BANP: variants seen among roughly 807,000 people sequenced by gnomAD.
BANP encodes protein BANP.
Under a neutral mutation model 68.1 loss-of-function variants are expected in BANP, and 11 were observed. That is an observed-to-expected ratio of 0.16 (90% CI 0.10 to 0.27). BANP has a LOEUF of 0.27. BANP is among the 10% of genes least tolerant of loss of function. The pLI, the probability that BANP is intolerant of heterozygous loss-of-function variation, is 1.00. For synonymous variants in BANP, 329 were observed against 303.2 expected, an observed-to-expected ratio of 1.09 and a Z score of -0.88; for missense variants, 504 against 722.7, an observed-to-expected ratio of 0.70 and a Z score of 3.47.
At chr16:87,960,369 G>T (rs7184826) in intron 1 of BANP, among the ~76,000 whole-genome samples, 61,665 of 152,030 alleles carry the variant, frequency 0.41, 13,406 homozygotes, top group Non-Finnish European at 0.47. Context: ...ATGGGCTTGG[G>T]TGAGGGTTTG....
At chr16:88,028,606 A>G (rs1364585175) in intron 8 of BANP, among the ~76,000 whole-genome samples, 1 of 152,190 alleles carries the variant, frequency 6.6e-6, no homozygotes, top group South Asian at 2.1e-4. Flanking sequence ...AAGCTCTTCT[A>G]TTCTAGGCCT....
chr16:87,973,700 C>T (rs2061510395), intron 1 of BANP, among the ~76,000 whole-genome samples: 1 of 146,862 alleles, frequency 6.8e-6, no homozygotes, highest in Admixed American at 6.9e-5. Flanking sequence ...TGGAGGTAAG[C>T]CGAGATTGCG....
intron 11 of BANP, among the ~76,000 whole-genome samples, chr16:88,063,320 G>A (rs2087446617): frequency 6.6e-6 from 1 of 152,218 alleles, no homozygotes; most frequent in South Asian, 2.1e-4. Context: ...TGGCCTGGGA[G>A]CTGGTCCCAG....
rs558116270 is a variant in BANP at position 88,056,656 on chromosome 16, C to T, written c.1312-8611C>T. Reference sequence around the variant, plus strand: ...CACGCTGGCCCCTGCACTCCTGGCCCTTTTGTTTAGCCCCGCATCAGACTC... The same window carrying T: ...CACGCTGGCCCCTGCACTCCTGGCCTTTTTGTTTAGCCCCGCATCAGACTC... On this transcript the variant is annotated intron_variant, in intron 11 of 13. Coordinates refer to ENST00000682872, the MANE Select transcript of BANP (RefSeq NM_001386991.1). Among the ~76,000 whole-genome samples the T allele has an allele frequency of 5.3e-5, 8 of 152,290 alleles. No homozygotes were observed. The South Asian group carries it at 1.2e-3, about 24-fold the overall frequency.
In BANP at chr16:87,975,095, C is replaced by T. The variant is rs369585518; in HGVS notation, c.-21C>T. The T allele has an allele frequency of 7.1e-5, 113 of 1,588,802 alleles. No homozygotes were observed. In the African/African-American group the frequency reaches 8.1e-4, roughly 11 times the overall value. ...GTGAGTTGAACTCTTTCGTGTTGAC[C>T]GGCCACTCTCCGTGCTCTGGATGAT... On this transcript the variant is annotated 5_prime_UTR_variant, in exon 2 of 14. Transcript: ENST00000682872.
intron 11 of BANP, among the ~76,000 whole-genome samples, chr16:88,045,863 G>GCA (rs1206706490): frequency 6.6e-6 from 1 of 152,164 alleles, no homozygotes; most frequent in African/African-American, 2.4e-5. Context: ...TCTTGGGATT[G>GCA]GCAGTGTCGC....
chr16:88,065,616 A>G (rs1351667302), intron 12 of BANP, among the ~76,000 whole-genome samples: 1 of 152,172 alleles, frequency 6.6e-6, no homozygotes, highest in African/African-American at 2.4e-5. Context: ...CTGAAGACAC[A>G]ACAGGAACGG....
At chr16:88,067,643 A>C (rs2089072171) in intron 12 of BANP, among the ~76,000 whole-genome samples, 1 of 151,958 alleles carries the variant, frequency 6.6e-6, no homozygotes. Context: ...TCCCATTCAG[A>C]GCCGCTCCCC....
At chr16:88,008,102 A>T (rs2071806425) in intron 6 of BANP, among the ~76,000 whole-genome samples, 1 of 151,844 alleles carries the variant, frequency 6.6e-6, no homozygotes, top group Admixed American at 6.6e-5. Context: ...GTGGACCTTG[A>T]CTCTAAATGG....
chr16:88,057,432 G>A lies in BANP; in HGVS notation c.1312-7835G>A, dbSNP rs1313831360. Among the ~76,000 whole-genome samples, 1 of 152,120 alleles carries A rather than the reference G, an allele frequency of 6.6e-6. No individual in the cohort carries two copies. Among genetic ancestry groups the A allele is most frequent in the Non-Finnish European group, 1.5e-5 (1 of 68,022 alleles). ...CAGAGGAAGGATGGTGGCTGAAGGT[G>A]AGCCTTCTCCAGGGGGATGCCCTGG... On this transcript the variant is annotated intron_variant, in intron 11 of 13. Transcript: ENST00000682872. This position sits in a 1 kb window ranked among gnomAD's most constrained non-coding sequence, Gnocchi z 4.6.
chr16:87,977,490 C>G (rs1190315188), intron 2 of BANP, among the ~76,000 whole-genome samples: 3 of 152,066 alleles, frequency 2.0e-5, no homozygotes, highest in Admixed American at 6.5e-5. Context: ...CAGTCTCTGA[C>G]CCAGGAGAAG....
chr16:87,987,739 A>AAAAG, intron 4 of BANP, among the ~76,000 whole-genome samples: 1 of 145,122 alleles, frequency 6.9e-6, no homozygotes, highest in African/African-American at 2.6e-5. Flanking sequence ...AAAAAAAAAA[A>AAAAG]GGATGTTATT....
intron 1 of BANP, among the ~76,000 whole-genome samples, chr16:87,954,641 T>C (rs1016917072): frequency 6.6e-6 from 1 of 152,216 alleles, no homozygotes; most frequent in Non-Finnish European, 1.5e-5. Flanking sequence ...AGCTCTCCTG[T>C]GCGGGACCGA....
At chr16:88,059,534 A>T (rs564599336) in intron 11 of BANP, among the ~76,000 whole-genome samples, 1 of 152,092 alleles carries the variant, frequency 6.6e-6, no homozygotes, top group Non-Finnish European at 1.5e-5. Context: ...TTTAAGGGAC[A>T]CGGTTCAGGC....
chr16:88,036,201 G>T lies in BANP; in HGVS notation c.1272+807G>T, dbSNP rs142072794. Reference sequence around the variant, plus strand: ...ACCGTGGTGCGCTCTGGGGGATGAGGAACATGGCTGTTTCTAGGTCGTGAC... The same window carrying T: ...ACCGTGGTGCGCTCTGGGGGATGAGTAACATGGCTGTTTCTAGGTCGTGAC... On this transcript the variant is annotated intron_variant, in intron 10 of 13. Transcript: ENST00000682872. The surrounding 1 kb of genome is among the most constrained non-coding windows in gnomAD (Gnocchi z 4.2). Among the ~76,000 whole-genome samples, 1,586 of 152,310 alleles carry T rather than the reference G, an allele frequency of 0.01. 9 individuals carry two copies. The highest frequency in any genetic ancestry group is 0.016 in the Non-Finnish European group (1,080 of 68,030).
At position 88,056,453 on chromosome 16, in the gene BANP, TTCTC is replaced by T. The variant is rs200707328; in HGVS notation, c.1312-8808_1312-8805del. 2.1e-3 allele frequency among the ~76,000 whole-genome samples: 244 copies of T among 118,304 alleles called. 5 individuals are homozygous for T. The highest frequency in any genetic ancestry group is 2.5e-3 in the East Asian group (12 of 4,732). The allele number at this position is 118,304 out of a possible 152,430, so 77.6% of individuals were successfully genotyped here. On this transcript the variant is annotated intron_variant, in intron 11 of 13. Transcript: ENST00000682872. ...ACAAAGTGTTTGGCTGGGAAGCGTA[TTCTC>T]TCTCTTTTTTTTTTTTTTTAGAGAG... is the stretch of plus-strand genomic sequence containing the variant.
chr16:87,995,472 A>G (rs1230366746), intron 4 of BANP, among the ~76,000 whole-genome samples: 1 of 152,244 alleles, frequency 6.6e-6, no homozygotes, highest in Non-Finnish European at 1.5e-5. Flanking sequence ...CCTAATAAGT[A>G]GAAAGAAAAA....
rs148267118 is a variant in BANP, at chr16:88,076,663, C to A, written c.*2C>A. 1.9e-6 allele frequency: 3 copies of A among 1,606,480 alleles called. No homozygotes were observed. The highest frequency in any genetic ancestry group is 1.7e-6 in the Non-Finnish European group (2 of 1,179,150). The stretch of plus-strand genomic sequence containing the variant: ...CACGGGGCCATCCAGATTCAGTGAG[C>A]GGTGCCCATGGCACCAGGAGCCCCT... On this transcript the variant is annotated 3_prime_UTR_variant, in exon 14 of 14. Coordinates refer to ENST00000682872, the MANE Select transcript of BANP (RefSeq NM_001386991.1).
chr16:88,019,685 GGCGTCCGGGATCTCA>G (rs1444907232), intron 7 of BANP, among the ~76,000 whole-genome samples: 4 of 112,196 alleles, frequency 3.6e-5, no homozygotes, highest in African/African-American at 1.4e-4. Context: ...CGGGGGGCGG[GGCGTCCGGGATCTCA>G]GCGTGCGGGG....
Sources: allele counts gnomAD v4.1 joint callset (sites outside exome capture counted in the v4.1 genomes callset), GRCh38; gene constraint gnomAD v4.1.1; non-coding constraint Gnocchi (gnomAD v3.1); transcripts MANE v1.5; gene names NCBI Gene and HGNC (gene_info 2026-07-23, HGNC 2026-07-21).